Variants in RECQL5 observed in about 807,000 individuals in gnomAD.
RECQL5 encodes the protein ATP-dependent DNA helicase Q5.
Under a neutral mutation model 103.4 loss-of-function variants are expected in RECQL5, and 88 were observed. The ratio of observed to expected loss-of-function variants is 0.85; its 90% CI spans 0.72 to 1.02. The LOEUF (loss-of-function observed/expected upper bound fraction) is 1.02, where lower values mean the gene tolerates loss of function less well. Ranked by LOEUF, RECQL5 falls within the 50% of genes least tolerant of loss-of-function variation. The probability of loss-of-function intolerance (pLI) is 0.00; values close to 1 mark genes in which losing one functional copy is unlikely to be tolerated. For missense variants in RECQL5, 1,232 were observed against 1,284.3 expected (o/e 0.96, Z 0.62); for synonymous variants, 552 against 507.9 (o/e 1.09, Z -1.17).
Position 75,630,344 on chromosome 17 carries a change from C to T in RECQL5, c.1719-67G>A, listed in dbSNP as rs145825642. On this transcript the variant is annotated intron_variant, in intron 13 of 19. Transcript: ENST00000317905. ...TGGGCTTCTCCCTGCTGAGCTCTTG[C>T]GGGACTCCAGGCCTGGTGGGGTAGG... The T allele has an allele frequency of 8.9e-5, 124 of 1,393,038 alleles. 1 individual carries two copies. The highest frequency in any genetic ancestry group is 1.9e-4 in the African/African-American group (13 of 69,308). 86.3% of individuals were successfully genotyped at this position (1,393,038 alleles called of 1,614,324 possible). A position where few individuals can be genotyped will look rare whatever the true frequency, so the allele number is the denominator to read the frequency against.
chr17:75,631,154 C>T lies in RECQL5; in HGVS notation c.1544G>A (p.Arg515His), dbSNP rs762318934. 5.6e-6 allele frequency: 9 copies of T among 1,613,646 alleles called. No individual in the cohort carries two copies. In the East Asian group the frequency reaches 6.7e-5, roughly 12 times the overall value. The change falls in exon 10 of 20, where the codon CGC (arginine) becomes CAC (histidine). Residue 515 changes from arginine to histidine, a missense_variant. Coordinates refer to ENST00000317905, the MANE Select transcript of RECQL5 (RefSeq NM_004259.7). ...NLFYQKQMQLRKGKDPKIEEF... is the reference protein window; with the variant it reads ...NLFYQKQMQLHKGKDPKIEEF... The stretch of plus-strand genomic sequence containing the variant: ...CCACTGAGTGCCTCCCCTCACCTTG[C>T]GCAGCTGCATCTGCTTCTGATAGAA...
At chr17:75,633,856 GGAGTCGGGGA>G in intron 8 of RECQL5, 9 of 996,168 alleles carry the variant, frequency 9.0e-6, no homozygotes, top group Non-Finnish European at 1.1e-5. Flanking sequence ...CCACGGCGTG[GGAGTCGGGGA>G]GAGGGAGAGG....
At chr17:75,650,309 C>T (rs1293644246) in intron 8 of RECQL5, 1 of 1,039,444 alleles carries the variant, frequency 9.6e-7, no homozygotes, top group Admixed American at 5.0e-5. Context: ...CAGAAGCCAC[C>T]GACTCACTGG....
In RECQL5 at chr17:75,629,342, G is replaced by T. The variant is rs199608835; in HGVS notation, c.2081C>A (p.Pro694Gln). ...ATCCAGGAGGCCACAGGGCCGGCTC[G>T]GGGGCTCGTGCTCGCCTCCCCGCTC... Reference protein sequence around the residue: ...QPERGGEHEPPSRPCGLLDED... With the variant: ...QPERGGEHEPQSRPCGLLDED... Residue 694 changes from proline (P) to glutamine (Q), a missense_variant, in exon 16 of 20, where the codon CCG (proline) becomes CAG (glutamine). By Grantham distance (76) the Pro-to-Gln change is moderately conservative (BLOSUM62 -1). Coordinates refer to ENST00000317905, the MANE Select transcript of RECQL5 (RefSeq NM_004259.7). The T allele has an allele frequency of 6.6e-7, 1 of 1,522,906 alleles. No homozygotes were observed. Among genetic ancestry groups the T allele is most frequent in the Admixed American group, 2.1e-5 (1 of 46,606 alleles). The allele number at this position is 1,522,906 out of a possible 1,614,324, so 94.3% of individuals were successfully genotyped here.
intron 18 of RECQL5, 55 bp downstream of exon 18, chr17:75,628,163 C>G: frequency 3.4e-6 from 5 of 1,478,752 alleles, no homozygotes; most frequent in African/African-American, 1.4e-5. Flanking sequence ...CCCACCCCCA[C>G]TACACCCACA....
chr17:75,662,168 A>G (rs187450675), intron 4 of RECQL5, among the ~76,000 whole-genome samples: 117 of 152,254 alleles, frequency 7.7e-4, no homozygotes, highest in African/African-American at 2.7e-3. Flanking sequence ...TCTCAAAAAA[A>G]AAACAGGCCA....
chr17:75,665,202 GT>G, intron 2 of RECQL5, 30 bp from the exon 3 acceptor site: 1 of 1,591,398 alleles, frequency 6.3e-7, no homozygotes, highest in Non-Finnish European at 8.6e-7. Context: ...CAATATCTCA[GT>G]GCTTCCTGCC....
At chr17:75,627,731 C>T (rs2059123872) in intron 18 of RECQL5, 39 bp from the exon 19 acceptor site, 12 of 1,566,414 alleles carry the variant, frequency 7.7e-6, no homozygotes, top group Non-Finnish European at 1.0e-5. Flanking sequence ...AGAGCAGGAC[C>T]CTTGGTGGCC....
chr17:75,647,351 C>T (rs1187821085), intron 8 of RECQL5: 2 of 1,533,408 alleles, frequency 1.3e-6, no homozygotes. Context: ...GCACTCAGGT[C>T]CTCTGTCCCT....
chr17:75,636,005 C>A lies in RECQL5; in HGVS notation c.1230-4337G>T, dbSNP rs576843347. Among the ~76,000 whole-genome samples, 29 of 152,356 alleles carry A rather than the reference C, an allele frequency of 1.9e-4. No homozygotes were observed. The highest frequency in any genetic ancestry group is 6.5e-4 in the African/African-American group (27 of 41,586). On this transcript the variant is annotated intron_variant, in intron 8 of 19. Transcript: ENST00000317905. This position sits in a 1 kb window ranked among gnomAD's most constrained non-coding sequence, Gnocchi z 5.4. ...AAAGGAATGCTTCCCATCCCTCCGG[C>A]TCTGCCAGCCTTCTCTGCCCTGAGT...
rs917474972 is a variant in RECQL5, at chr17:75,630,471, T to C, written c.1718+148A>G. 6.3e-6 allele frequency: 6 copies of C among 953,010 alleles called. No homozygotes were observed. The African/African-American group carries it at 9.8e-5, about 16-fold the overall frequency. The allele number at this position is 953,010 out of a possible 1,614,324, so 59.0% of individuals were successfully genotyped here. A position where few individuals can be genotyped will look rare whatever the true frequency, so the allele number is the denominator to read the frequency against. ...CCTAAGTTGTAGCCATGCCTGGCCC[T>C]GGTGGGGTTGTAGGGGCAGTCCCCT... On this transcript the variant is annotated intron_variant, in intron 13 of 19. Coordinates refer to ENST00000317905, the MANE Select transcript of RECQL5 (RefSeq NM_004259.7).
intron 1 of RECQL5, 167 bp downstream of exon 1, chr17:75,666,877 A>C: frequency 3.6e-6 from 1 of 280,964 alleles, no homozygotes; most frequent in South Asian, 4.6e-5. Flanking sequence ...GAGAACGGGG[A>C]ACCGTTTTCC....
rs1210939300 is a variant in RECQL5 at position 75,647,832 on chromosome 17, G to A, written c.1229+3354C>T. The A allele has an allele frequency of 7.5e-6, 3 of 397,578 alleles. No homozygotes were observed. In the South Asian group the frequency reaches 1.5e-4, roughly 20 times the overall value. 24.6% of individuals were successfully genotyped at this position (397,578 alleles called of 1,614,324 possible). A position where few individuals can be genotyped will look rare whatever the true frequency, so the allele number is the denominator to read the frequency against. On this transcript the variant is annotated intron_variant, in intron 8 of 19. Coordinates refer to ENST00000317905, the MANE Select transcript of RECQL5 (RefSeq NM_004259.7). ...GACCAGAACCCTAAAAGCACATGGAGAGGATGGCTCCACTGCCTCAGGTGG... is the reference window on the plus strand; with the variant it reads ...GACCAGAACCCTAAAAGCACATGGAAAGGATGGCTCCACTGCCTCAGGTGG...
chr17:75,656,976 C>A (rs1173765071), intron 7 of RECQL5, among the ~76,000 whole-genome samples: 3 of 152,188 alleles, frequency 2.0e-5, no homozygotes, highest in East Asian at 3.9e-4. Flanking sequence ...GATCTCCTGA[C>A]CTCGTGATCC....
chr17:75,650,452 G>A (rs892398476), intron 8 of RECQL5: 1 of 1,343,000 alleles, frequency 7.4e-7, no homozygotes, highest in African/African-American at 1.5e-5. Flanking sequence ...GGAGACGGGT[G>A]TTTAGTGGCC....
In RECQL5 at chr17:75,629,028, T is replaced by C; in HGVS notation, c.2395A>G (p.Met799Val). The change falls in exon 16 of 20, where the codon ATG (methionine) becomes GTG (valine). Residue 799 changes from methionine to valine, a missense_variant. Transcript: ENST00000317905. ...PSCEGVQGPP[M>V]APEKYTGEED... ...TCCCCTGTGTACTTCTCTGGGGCCA[T>C]CGGGGGTCCCTGAACCCCCTCACAG... is the stretch of plus-strand genomic sequence containing the variant. 1 of 1,585,624 alleles carries C rather than the reference T, an allele frequency of 6.3e-7. No homozygotes were observed. Among genetic ancestry groups the C allele is most frequent in the Non-Finnish European group, 8.6e-7 (1 of 1,166,922 alleles).
rs866696417 is a variant in RECQL5 at position 75,666,472 on chromosome 17, A to T, written c.86T>A (p.Phe29Tyr). ...TLKKVFGFDS[F>Y]KTPLQESATM... The stretch of plus-strand genomic sequence containing the variant: ...CGCACTCTCCTGTAAAGGCGTCTTA[A>T]AAGAGTCAAACCCAAAGACCTTCTT... The change falls in exon 2 of 20, where the codon TTT becomes TAT. Residue 29 changes from phenylalanine to tyrosine, a missense_variant. Physicochemically the swap from Phe to Tyr is conservative, Grantham distance 22. Transcript: ENST00000317905. 7 of 1,614,156 alleles carry T rather than the reference A, an allele frequency of 4.3e-6. No homozygotes were observed. The South Asian group carries it at 5.5e-5, about 13-fold the overall frequency.
intron 7 of RECQL5, 21 bp from the exon 8 acceptor site, chr17:75,651,286 C>T (rs750339): frequency 0.047 from 75,719 of 1,613,554 alleles, 1,993 homozygotes; most frequent in Admixed American, 0.067. Context: ...AAAATGACCA[C>T]TTAGCAAGTC....
At chr17:75,652,402 A>T (rs2059566554) in intron 7 of RECQL5, 1 of 152,134 alleles carries the variant, frequency 6.6e-6, no homozygotes, top group Non-Finnish European at 1.5e-5. Context: ...AAACAGGAGG[A>T]CCCCAAAGGT....
Sources: gnomAD v4.1 joint callset for allele counts (sites outside exome capture counted in the v4.1 genomes callset) on GRCh38, gnomAD v4.1.1 for gene constraint, Gnocchi (gnomAD v3.1) non-coding constraint, MANE v1.5 for transcripts, NCBI Gene and HGNC (gene_info 2026-07-23, HGNC 2026-07-21) for gene names.